The following TMEM132B variants were observed in gnomAD, a reference collection of about 807,000 sequenced individuals.
TMEM132B encodes the protein transmembrane protein 132B.
A neutral mutation model predicts 90.8 loss-of-function variants in TMEM132B; 18 were observed. The observed-to-expected ratio is 0.20, with a 90% confidence interval of 0.14 to 0.29. The LOEUF (loss-of-function observed/expected upper bound fraction) is 0.29, where lower values mean the gene tolerates loss of function less well. Ranked by LOEUF, TMEM132B falls within the 10% of genes least tolerant of loss-of-function variation. The probability of loss-of-function intolerance (pLI) is 1.00; values close to 1 mark genes in which losing one functional copy is unlikely to be tolerated. For synonymous variants in TMEM132B, 504 were observed against 523.3 expected, an observed-to-expected ratio of 0.96 and a Z score of 0.50; for missense variants, 1,096 against 1,326.8, an observed-to-expected ratio of 0.83 and a Z score of 2.70.
Position 125,252,064 on chromosome 12 carries a change from T to C in TMEM132B, c.67+65198T>C, listed in dbSNP as rs117740722. ...ACAAAGAGGTGGTCTTCCTCTAGTA[T>C]ACACTGACACTGGTGCACCCACTAC... is the stretch of plus-strand genomic sequence containing the variant. On this transcript the variant is annotated intron_variant, in intron 1 of 8. Coordinates refer to ENST00000682704, the MANE Select transcript of TMEM132B (RefSeq NM_001366854.1). Among the ~76,000 whole-genome samples, 12 of 152,326 alleles carry C rather than the reference T, an allele frequency of 7.9e-5. No individual in the cohort carries two copies. The East Asian group carries it at 1.2e-3, about 15-fold the overall frequency.
intron 4 of TMEM132B, among the ~76,000 whole-genome samples, chr12:125,525,112 G>A (rs1883412763): frequency 6.6e-6 from 1 of 152,014 alleles, no homozygotes; most frequent in Non-Finnish European, 1.5e-5. Flanking sequence ...GAGGTGATAA[G>A]GGGAACAGAG....
In TMEM132B at chr12:125,578,818, T is replaced by C. The variant is rs188176103; in HGVS notation, c.1294-5033T>C. ...GATAATACAACAGGTCTTAGTCTTA[T>C]TGAAGATTGCTTGTATATAATGAGG... On this transcript the variant is annotated intron_variant, in intron 4 of 8. Transcript: ENST00000682704. Among the ~76,000 whole-genome samples, 465 of 152,352 alleles carry C rather than the reference T, an allele frequency of 3.1e-3. 1 individual carries two copies. Among genetic ancestry groups the C allele is most frequent in the African/African-American group, 0.01 (430 of 41,586 alleles).
intron 5 of TMEM132B, among the ~76,000 whole-genome samples, chr12:125,601,125 C>T (rs1377450830): frequency 6.6e-6 from 1 of 152,172 alleles, no homozygotes; most frequent in Non-Finnish European, 1.5e-5. Context: ...AGCTAATAAA[C>T]ATCTACAGAA....
intron 2 of TMEM132B, among the ~76,000 whole-genome samples, chr12:125,355,410 C>T (rs1233357035): frequency 6.6e-6 from 1 of 152,014 alleles, no homozygotes; most frequent in East Asian, 1.9e-4. Flanking sequence ...GGCTTGGGAG[C>T]ACAGTTGGCT....
At chr12:125,543,368 C>A (rs80118313) in intron 4 of TMEM132B, among the ~76,000 whole-genome samples, 5 of 152,276 alleles carry the variant, frequency 3.3e-5, no homozygotes, top group African/African-American at 1.2e-4. Context: ...ATTTAAAAAA[C>A]CAATGTTGTC....
chr12:125,628,657 A>T (rs1846983413), intron 5 of TMEM132B, among the ~76,000 whole-genome samples: 1 of 152,092 alleles, frequency 6.6e-6, no homozygotes, highest in South Asian at 2.1e-4. Context: ...ACTTGATATG[A>T]TCCCATTTGC....
intron 2 of TMEM132B, among the ~76,000 whole-genome samples, chr12:125,364,465 G>A (rs1401694599): frequency 6.6e-6 from 1 of 152,008 alleles, no homozygotes; most frequent in Non-Finnish European, 1.5e-5. Context: ...ATTTTCTGAT[G>A]TGTTTAAAAG....
chr12:125,362,110 T>G (rs936971699), intron 2 of TMEM132B, among the ~76,000 whole-genome samples: 2 of 152,170 alleles, frequency 1.3e-5, no homozygotes, highest in Non-Finnish European at 2.9e-5. Flanking sequence ...CTGCACCTGC[T>G]CCCAGGTGTG....
At chr12:125,470,091 G>C (rs11058189) in intron 3 of TMEM132B, among the ~76,000 whole-genome samples, 5,329 of 152,302 alleles carry the variant, frequency 0.035, 162 homozygotes, top group Admixed American at 0.1. Flanking sequence ...GGCTGAGCTG[G>C]ACTTCTATGC....
At chr12:125,306,552 A>C (rs1270282439) in intron 1 of TMEM132B, among the ~76,000 whole-genome samples, 4 of 152,208 alleles carry the variant, frequency 2.6e-5, no homozygotes, top group Non-Finnish European at 5.9e-5. Context: ...TAAAAAACCT[A>C]GAGCATCCCT....
chr12:125,336,904 A>G (rs1876979892), intron 1 of TMEM132B, among the ~76,000 whole-genome samples: 2 of 152,218 alleles, frequency 1.3e-5, no homozygotes, highest in Non-Finnish European at 2.9e-5. Context: ...TTCCTCTCTT[A>G]TTTAAACAGT....
At chr12:125,443,278 A>T (rs999646287) in intron 3 of TMEM132B, among the ~76,000 whole-genome samples, 1 of 152,200 alleles carries the variant, frequency 6.6e-6, no homozygotes, top group African/African-American at 2.4e-5. Context: ...GAAGATCACC[A>T]TCGTAAACTA....
chr12:125,517,115 G>C (rs1883179406), intron 3 of TMEM132B, among the ~76,000 whole-genome samples: 1 of 151,872 alleles, frequency 6.6e-6, no homozygotes, highest in South Asian at 2.1e-4. Context: ...CACACTTTCA[G>C]TCCTCTCATG....
chr12:125,242,910 C>A (rs1874106884), intron 1 of TMEM132B, among the ~76,000 whole-genome samples: 1 of 151,774 alleles, frequency 6.6e-6, no homozygotes, highest in Non-Finnish European at 1.5e-5. Flanking sequence ...GCAGCCACCA[C>A]CTCTCTCTAG....
intron 1 of TMEM132B, among the ~76,000 whole-genome samples, chr12:125,281,717 C>G (rs1875182645): frequency 1.3e-5 from 2 of 152,106 alleles, no homozygotes; most frequent in Non-Finnish European, 2.9e-5. Context: ...AGCAATGGCT[C>G]CCTGGGACCT....
At chr12:125,583,752 C>G in intron 4 of TMEM132B, 99 bp from the exon 5 acceptor site, 1 of 1,401,366 alleles carries the variant, frequency 7.1e-7, no homozygotes, top group Non-Finnish European at 9.8e-7. Flanking sequence ...AATCGCAGAA[C>G]GAGAATGAAG....
At chr12:125,421,637 C>T (rs1040527156) in intron 3 of TMEM132B, among the ~76,000 whole-genome samples, 7 of 152,148 alleles carry the variant, frequency 4.6e-5, no homozygotes, top group African/African-American at 1.7e-4. Flanking sequence ...TCTGGAAAAT[C>T]CAATCTTTCA....
intron 4 of TMEM132B, among the ~76,000 whole-genome samples, chr12:125,570,848 G>A (rs1884773652): frequency 6.6e-6 from 1 of 152,134 alleles, no homozygotes; most frequent in Non-Finnish European, 1.5e-5. Flanking sequence ...CTCAGAGGCT[G>A]ACATTTCTGT....
chr12:125,446,369 A>G (rs1881006469), intron 3 of TMEM132B, among the ~76,000 whole-genome samples: 1 of 152,212 alleles, frequency 6.6e-6, no homozygotes, highest in Admixed American at 6.5e-5. Context: ...ATGTGAACTT[A>G]AAATAGAGCT....
Sources: allele counts gnomAD v4.1 joint callset (sites outside exome capture counted in the v4.1 genomes callset), GRCh38; gene constraint gnomAD v4.1.1; transcripts MANE v1.5; gene names NCBI Gene and HGNC (gene_info 2026-07-23, HGNC 2026-07-21).